ELL: variants seen among roughly 807,000 people sequenced by gnomAD.
ELL encodes the protein RNA polymerase II elongation factor ELL.
Under a neutral mutation model 64.0 loss-of-function variants are expected in ELL, and 18 were observed. The observed-to-expected ratio is 0.28, with a 90% CI of 0.19 to 0.42. The LOEUF is 0.42. Among genes scored for constraint, ELL ranks in the 10% least tolerant of loss-of-function variants. The pLI, the probability that ELL is intolerant of heterozygous loss-of-function variation, is 1.00. For missense variants in ELL, 797 were observed against 870.4 expected, an observed-to-expected ratio of 0.92 and a Z score of 1.06; for synonymous variants, 399 against 376.2, an observed-to-expected ratio of 1.06 and a Z score of -0.70.
chr19:18,503,781 G>A (rs964578092), intron 1 of ELL, among the ~76,000 whole-genome samples: 17 of 152,150 alleles, frequency 1.1e-4, no homozygotes, highest in Non-Finnish European at 4.4e-5. Flanking sequence ...GGGTCCTGCC[G>A]AGCTTCCCTC....
At chr19:18,481,313 T>TG (rs1975294981) in intron 1 of ELL, among the ~76,000 whole-genome samples, 1 of 152,196 alleles carries the variant, frequency 6.6e-6, no homozygotes, top group African/African-American at 2.4e-5. Flanking sequence ...TCTCACGGAC[T>TG]GGGGGCCAGA....
rs544167503 is a variant in ELL, at chr19:18,449,687, G to A, written c.1465+790C>T. Reference sequence around the variant, plus strand: ...CCTGGGCTGCCCTGGGCCAGCTGGCGCCGAGAGCGAAGTGGCCATCTGCAA... The same window carrying A: ...CCTGGGCTGCCCTGGGCCAGCTGGCACCGAGAGCGAAGTGGCCATCTGCAA... On this transcript the variant is annotated intron_variant, in intron 8 of 11. Coordinates refer to ENST00000262809, the MANE Select transcript of ELL (RefSeq NM_006532.4). The surrounding 1 kb of genome is among the most constrained non-coding windows in gnomAD (Gnocchi z 4.4). Among the ~76,000 whole-genome samples, 4 of 152,318 alleles carry A rather than the reference G, an allele frequency of 2.6e-5. No individual in the cohort carries two copies. The highest frequency in any genetic ancestry group is 1.3e-4 in the Admixed American group (2 of 15,304).
chr19:18,522,064 C>T lies in ELL; in HGVS notation c.-9G>A. 6.3e-7 allele frequency: 1 copy of T among 1,593,920 alleles called. No individual in the cohort carries two copies. Among genetic ancestry groups the T allele is most frequent in the Non-Finnish European group, 8.6e-7 (1 of 1,168,560 alleles). On this transcript the variant is annotated 5_prime_UTR_variant, in exon 1 of 12. The change abolishes an upstream ATG in the 5' untranslated region. Transcript: ENST00000262809. Reference sequence around the variant, plus strand: ...TCCTTCAGCGCCGCCATCTTGCGACCATCTCTCCCCCGCGCCCCCTTCCCG... The same window carrying T: ...TCCTTCAGCGCCGCCATCTTGCGACTATCTCTCCCCCGCGCCCCCTTCCCG...
intron 2 of ELL, among the ~76,000 whole-genome samples, chr19:18,467,425 C>G (rs1974962876): frequency 6.6e-6 from 1 of 151,998 alleles, no homozygotes; most frequent in Non-Finnish European, 1.5e-5. Flanking sequence ...GGGTCAGGGC[C>G]CAAACAGCGT....
intron 1 of ELL, among the ~76,000 whole-genome samples, chr19:18,480,568 G>C (rs2144940848): frequency 6.6e-6 from 1 of 152,356 alleles, no homozygotes; most frequent in African/African-American, 2.4e-5. Context: ...GCCTGTAAGA[G>C]CAGGAAAGGG....
At chr19:18,500,647 T>G (rs1036079793) in intron 1 of ELL, among the ~76,000 whole-genome samples, 1 of 152,156 alleles carries the variant, frequency 6.6e-6, no homozygotes, top group Non-Finnish European at 1.5e-5. Flanking sequence ...ATAACACTGG[T>G]GCCCTGCAAC....
chr19:18,512,874 C>T (rs1976055307), intron 1 of ELL, among the ~76,000 whole-genome samples: 1 of 152,118 alleles, frequency 6.6e-6, no homozygotes, highest in South Asian at 2.1e-4. Context: ...ACCTGATCCC[C>T]AATATGCAGT....
chr19:18,448,353 C>T (rs1337935284), intron 8 of ELL: 1 of 152,204 alleles, frequency 6.6e-6, no homozygotes, highest in Non-Finnish European at 1.5e-5. Context: ...ACAGCAGCTT[C>T]TCTGCTGCCA....
intron 1 of ELL, among the ~76,000 whole-genome samples, chr19:18,496,577 A>G (rs1353726806): frequency 6.6e-6 from 1 of 152,030 alleles, no homozygotes. Context: ...CAGGAGCTAC[A>G]GAGATCATGG....
chr19:18,479,734 G>C (rs924253217), intron 1 of ELL, among the ~76,000 whole-genome samples: 5 of 137,700 alleles, frequency 3.6e-5, no homozygotes, highest in African/African-American at 1.5e-4. Flanking sequence ...AAAAAATCTA[G>C]GATTGTTTTA....
intron 1 of ELL, among the ~76,000 whole-genome samples, chr19:18,513,502 G>A (rs1976070121): frequency 6.6e-6 from 1 of 152,210 alleles, no homozygotes; most frequent in African/African-American, 2.4e-5. Context: ...AGAGGAGGGT[G>A]CAAAGGTGTC....
rs545139922 is a variant in ELL, at chr19:18,470,364, G to T, written c.183+2471C>A. 5.3e-5 allele frequency among the ~76,000 whole-genome samples: 8 copies of T among 152,368 alleles called. No homozygotes were observed. In the South Asian group the frequency reaches 1.7e-3, roughly 32 times the overall value. ...GGGGCCCCCCCACTGCTCAGGTTGGGGTAGAGGGGCATGGGTGGTCAGGCA... is the reference window on the plus strand; with the variant it reads ...GGGGCCCCCCCACTGCTCAGGTTGGTGTAGAGGGGCATGGGTGGTCAGGCA... On this transcript the variant is annotated intron_variant, in intron 2 of 11. Transcript: ENST00000262809.
chr19:18,453,453 G>C (rs115378769), intron 6 of ELL, among the ~76,000 whole-genome samples: 228 of 152,278 alleles, frequency 1.5e-3, no homozygotes, highest in African/African-American at 5.3e-3. Context: ...TGGCTACTCT[G>C]GGCACACTGC....
Position 18,458,454 on chromosome 19 carries a change from G to A in ELL, c.745-125C>T. 4.9e-6 allele frequency: 7 copies of A among 1,439,486 alleles called. No homozygotes were observed. The South Asian group carries it at 9.4e-5, about 19-fold the overall frequency. 89.2% of individuals were successfully genotyped at this position (1,439,486 alleles called of 1,614,324 possible). On this transcript the variant is annotated intron_variant, in intron 5 of 11. Transcript: ENST00000262809. Reference sequence around the variant, plus strand: ...CAGTGGGAGACAGACAGAGACAGAGGAGAGGAAAGAGGATGGCCCACTACC... The same window carrying A: ...CAGTGGGAGACAGACAGAGACAGAGAAGAGGAAAGAGGATGGCCCACTACC...
intron 1 of ELL, among the ~76,000 whole-genome samples, chr19:18,483,678 G>C (rs1975353798): frequency 6.6e-6 from 1 of 152,208 alleles, no homozygotes; most frequent in South Asian, 2.1e-4. Flanking sequence ...TCCCCATGAA[G>C]ATTTCACAAC....
At chr19:18,455,459 C>T (rs575450791) in intron 6 of ELL, among the ~76,000 whole-genome samples, 9 of 150,594 alleles carry the variant, frequency 6.0e-5, no homozygotes, top group South Asian at 4.2e-4. Flanking sequence ...CACTGCACTC[C>T]AGCCTGCGTG....
In ELL at chr19:18,449,259, C is replaced by T. The variant is rs1974474817; in HGVS notation, c.1465+1218G>A. On this transcript the variant is annotated intron_variant, in intron 8 of 11. Coordinates refer to ENST00000262809, the MANE Select transcript of ELL (RefSeq NM_006532.4). The surrounding 1 kb of genome is among the most constrained non-coding windows in gnomAD (Gnocchi z 4.4). The stretch of plus-strand genomic sequence containing the variant: ...TGGACCCTGGAGCCGGGCCAAGGGT[C>T]TCAAATGGCAGATCCTGCCATTTGA... Among the ~76,000 whole-genome samples, 1 of 152,128 alleles carries T rather than the reference C, an allele frequency of 6.6e-6. No homozygotes were observed. The highest frequency in any genetic ancestry group is 2.4e-5 in the African/African-American group (1 of 41,424).
At chr19:18,462,258 T>C (rs1974836946) in intron 4 of ELL, among the ~76,000 whole-genome samples, 1 of 146,396 alleles carries the variant, frequency 6.8e-6, no homozygotes, top group Non-Finnish European at 1.5e-5. Flanking sequence ...GCAGTATGTG[T>C]GTGTGAGAAA....
At position 18,521,921 on chromosome 19, in the gene ELL, C is replaced by T. The variant is rs779524554; in HGVS notation, c.135G>A (p.Gln45=). The T allele has an allele frequency of 1.8e-5, 28 of 1,590,734 alleles. No individual in the cohort carries two copies. Among genetic ancestry groups the T allele is most frequent in the Non-Finnish European group, 2.4e-5 (28 of 1,168,928 alleles). ...GCGCGCCGGGCGCCATGCCACTCAC[C>T]TGTCTGGCGCGGTAGCTCTCGAAGG... ...LRAFESYRAR[Q]DSVSLRPSIR... Residue 45 remains glutamine, a splice_region_variant and synonymous_variant, in exon 1 of 12, where the codon CAG becomes CAA. Transcript: ENST00000262809.
Sources: gnomAD v4.1 joint callset for allele counts (sites outside exome capture counted in the v4.1 genomes callset) on GRCh38, gnomAD v4.1.1 for gene constraint, Gnocchi (gnomAD v3.1) non-coding constraint, MANE v1.5 for transcripts, NCBI Gene and HGNC (gene_info 2026-07-23, HGNC 2026-07-21) for gene names.